RHBDD1: variants seen among roughly 807,000 people sequenced by gnomAD.
RHBDD1 encodes rhomboid domain containing 1, also known as rhomboid-related protein 4.
In RHBDD1, 38 loss-of-function variants were observed where a neutral mutation model predicts 36.3. The observed-to-expected ratio is 1.05, with a 90% confidence interval of 0.81 to 1.37. The LOEUF is 1.37. Ranked by LOEUF, RHBDD1 falls within the 40% of genes most tolerant of loss-of-function variation. RHBDD1 has a pLI of 0.00. For missense variants in RHBDD1, 393 were observed against 377.6 expected (o/e 1.04, Z -0.34); for synonymous variants, 151 against 136.5 (o/e 1.11, Z -0.74).
chr2:226,924,833 C>G (rs983909881), intron 8 of RHBDD1, among the ~76,000 whole-genome samples: 1 of 152,198 alleles, frequency 6.6e-6, no homozygotes, highest in Non-Finnish European at 1.5e-5. Flanking sequence ...TCTCCCTCCC[C>G]CAAGTACACA....
At position 226,995,803 on chromosome 2, in the gene RHBDD1, C is replaced by T. The variant is rs920756337; in HGVS notation, c.*281C>T. The T allele has an allele frequency of 2.6e-5, 11 of 426,484 alleles. No individual in the cohort carries two copies. The highest frequency in any genetic ancestry group is 1.4e-4 in the African/African-American group (7 of 49,406). 26.4% of individuals were successfully genotyped at this position (426,484 alleles called of 1,614,324 possible). On this transcript the variant is annotated 3_prime_UTR_variant, in exon 9 of 9. Transcript: ENST00000392062. ...CTCCCATCTCTCACTGCTGACTCAGCGATGCCTCTGCCTCGGTCTGCTTTT... is the reference window on the plus strand; with the variant it reads ...CTCCCATCTCTCACTGCTGACTCAGTGATGCCTCTGCCTCGGTCTGCTTTT...
At chr2:226,880,961 A>G (rs1411035792) in intron 5 of RHBDD1, among the ~76,000 whole-genome samples, 1 of 152,218 alleles carries the variant, frequency 6.6e-6, no homozygotes, top group Non-Finnish European at 1.5e-5. Flanking sequence ...TCATTTTCAT[A>G]CTGCTATAAA....
chr2:226,987,226 T>C (rs1957158340), intron 8 of RHBDD1, among the ~76,000 whole-genome samples: 3 of 152,006 alleles, frequency 2.0e-5, no homozygotes, highest in Admixed American at 2.0e-4. Context: ...ACCCAATGCA[T>C]CTGGGGCTTA....
chr2:226,967,477 G>A, intron 8 of RHBDD1, among the ~76,000 whole-genome samples: 1 of 151,744 alleles, frequency 6.6e-6, no homozygotes, highest in Non-Finnish European at 1.5e-5. Flanking sequence ...TTGGTGTGCT[G>A]CACCCATTAA....
At chr2:226,952,288 G>T (rs867341630) in intron 8 of RHBDD1, among the ~76,000 whole-genome samples, 146 of 134,280 alleles carry the variant, frequency 1.1e-3, no homozygotes, top group African/African-American at 3.7e-3. Flanking sequence ...TTTTGTTTTG[G>T]TTTGGTTTTT....
chr2:226,955,580 T>C (rs1951735388), intron 8 of RHBDD1, among the ~76,000 whole-genome samples: 1 of 152,218 alleles, frequency 6.6e-6, no homozygotes, highest in South Asian at 2.1e-4. Flanking sequence ...GAGGCCATAA[T>C]AAAATACCAA....
At chr2:226,814,266 A>G in the RHBDD1 span, among the ~76,000 whole-genome samples, 1 of 152,166 alleles carries the variant, frequency 6.6e-6, no homozygotes, top group South Asian at 2.1e-4. Flanking sequence ...CAAGAAGAAG[A>G]GAGTATGAGC....
chr2:226,827,758 T>G, the RHBDD1 span, among the ~76,000 whole-genome samples: 1 of 152,198 alleles, frequency 6.6e-6, no homozygotes, highest in Admixed American at 6.5e-5. Flanking sequence ...TAGATTCCCT[T>G]GGTTTCTTTA....
Position 226,979,740 on chromosome 2 carries a change from G to A in RHBDD1, c.857-15691G>A, listed in dbSNP as rs115128961. Among the ~76,000 whole-genome samples, 866 of 152,258 alleles carry A rather than the reference G, an allele frequency of 5.7e-3. 10 individuals are homozygous for A. The highest frequency in any genetic ancestry group is 0.02 in the African/African-American group (826 of 41,530). On this transcript the variant is annotated intron_variant, in intron 8 of 8. Coordinates refer to ENST00000392062, the MANE Select transcript of RHBDD1 (RefSeq NM_001167608.3). ...CTCTCAGTCGCCTGACTTGAATGTC[G>A]GTCAGTCTCTGGCAACTTTCAGAAA...
rs1200876611 is a variant in RHBDD1, at chr2:226,865,029, T to C, written c.336T>C (p.Ser112=). 1 of 1,614,240 alleles carries C rather than the reference T, an allele frequency of 6.2e-7. No individual in the cohort carries two copies. Among genetic ancestry groups the C allele is most frequent in the East Asian group, 2.2e-5 (1 of 44,896 alleles). The change falls in exon 4 of 9, where the codon TCT becomes TCC. Residue 112 remains serine (S), a synonymous_variant. Coordinates refer to ENST00000392062, the MANE Select transcript of RHBDD1 (RefSeq NM_001167608.3). ...TTGCCTATGTTATCACCGCATTTTC[T>C]GTACTTACTGGAGTGGTATACCTGC... The part of the protein sequence containing the change: ...RWFAYVITAF[S]VLTGVVYLLL...
chr2:226,840,451 TAAGGAGAGGA>T (rs1327884799), intron 3 of RHBDD1, among the ~76,000 whole-genome samples: 1 of 152,184 alleles, frequency 6.6e-6, no homozygotes, highest in South Asian at 2.1e-4. Flanking sequence ...AAAATCTCAT[TAAGGAGAGGA>T]AAGGAGAGTG....
intron 3 of RHBDD1, among the ~76,000 whole-genome samples, chr2:226,847,883 T>C (rs1355670159): frequency 6.6e-6 from 1 of 152,178 alleles, no homozygotes; most frequent in Non-Finnish European, 1.5e-5. Flanking sequence ...CTTTGCAGGG[T>C]AGGGCTTGGG....
chr2:226,943,035 G>C (rs887582070), intron 8 of RHBDD1, among the ~76,000 whole-genome samples: 10 of 152,124 alleles, frequency 6.6e-5, no homozygotes, highest in African/African-American at 2.2e-4. Context: ...TGTGTTGCTG[G>C]TGAGAAAAAC....
chr2:226,887,837 C>G (rs892432081), intron 5 of RHBDD1, among the ~76,000 whole-genome samples: 1 of 152,234 alleles, frequency 6.6e-6, no homozygotes, highest in Non-Finnish European at 1.5e-5. Flanking sequence ...AAAATGAATA[C>G]TATCTGATCC....
intron 8 of RHBDD1, among the ~76,000 whole-genome samples, chr2:226,915,066 C>T (rs982318764): frequency 6.6e-6 from 1 of 151,746 alleles, no homozygotes; most frequent in Non-Finnish European, 1.5e-5. Flanking sequence ...TGGAAACTAC[C>T]CTCAAAAAGT....
At chr2:226,905,325 G>T (rs1947962038) in intron 5 of RHBDD1, among the ~76,000 whole-genome samples, 1 of 152,152 alleles carries the variant, frequency 6.6e-6, no homozygotes, top group South Asian at 2.1e-4. Flanking sequence ...AGGAGCCTCA[G>T]CTCTGAGGGG....
chr2:226,818,649 G>A, the RHBDD1 span, among the ~76,000 whole-genome samples: 1 of 151,420 alleles, frequency 6.6e-6, no homozygotes. Context: ...AACCAGCCTG[G>A]CCAACATGGT....
chr2:226,843,288 C>T (rs1414161919), intron 3 of RHBDD1, among the ~76,000 whole-genome samples: 1 of 152,086 alleles, frequency 6.6e-6, no homozygotes, highest in Non-Finnish European at 1.5e-5. Flanking sequence ...TTGCACTGGC[C>T]AGAACTTCCA....
intron 3 of RHBDD1, among the ~76,000 whole-genome samples, chr2:226,845,024 T>G (rs1167183209): frequency 6.6e-6 from 1 of 152,222 alleles, no homozygotes; most frequent in Non-Finnish European, 1.5e-5. Flanking sequence ...CTGACATTTT[T>G]TTTTTCTTCC....
Sources: allele counts gnomAD v4.1 joint callset (sites outside exome capture counted in the v4.1 genomes callset), GRCh38; gene constraint gnomAD v4.1.1; transcripts MANE v1.5; gene names NCBI Gene and HGNC (gene_info 2026-07-23, HGNC 2026-07-21).